RIT2: variants seen among roughly 807,000 people sequenced by gnomAD.
RIT2 encodes Ras like without CAAX 2.
RIT2 carries 24 observed loss-of-function variants against 23.7 expected under a neutral mutation model. The observed-to-expected ratio is 1.01, with a 90% CI of 0.73 to 1.43. The LOEUF (loss-of-function observed/expected upper bound fraction) is 1.43. RIT2 is among the 40% of genes most tolerant of loss of function. RIT2 has a pLI of 0.00. For synonymous variants in RIT2, 107 were observed against 91.1 expected, an observed-to-expected ratio of 1.17 and a Z score of -0.99; for missense variants, 236 against 266.9, an observed-to-expected ratio of 0.88 and a Z score of 0.81.
chr18:43,057,575 G>C (rs1341329120), intron 1 of RIT2, among the ~76,000 whole-genome samples: 1 of 152,074 alleles, frequency 6.6e-6, no homozygotes, highest in Non-Finnish European at 1.5e-5. Flanking sequence ...AAAGTTTTTT[G>C]GTAAGGATGT....
chr18:42,959,508 T>A (rs1238290449), intron 3 of RIT2, among the ~76,000 whole-genome samples: 1 of 152,186 alleles, frequency 6.6e-6, no homozygotes, highest in Non-Finnish European at 1.5e-5. Flanking sequence ...TTTTCTCAGT[T>A]ATTGAAAATT....
intron 2 of RIT2, among the ~76,000 whole-genome samples, chr18:43,032,493 C>T (rs73479314): frequency 0.019 from 2,900 of 152,066 alleles, 102 homozygotes; most frequent in African/African-American, 0.067. Flanking sequence ...CAAAGATTGT[C>T]CCTTTTGTGT....
chr18:43,059,996 G>A (rs750073655), intron 1 of RIT2, among the ~76,000 whole-genome samples: 3 of 152,132 alleles, frequency 2.0e-5, no homozygotes, highest in African/African-American at 2.4e-5. Flanking sequence ...GGAAGTTTAT[G>A]TCAGGGACAA....
At chr18:42,763,050 G>T (rs1913338099) in intron 4 of RIT2, among the ~76,000 whole-genome samples, 1 of 152,130 alleles carries the variant, frequency 6.6e-6, no homozygotes, top group Non-Finnish European at 1.5e-5. Flanking sequence ...TATTCTTCTA[G>T]GCTGCAAACC....
At chr18:42,836,720 T>C (rs1428774801) in intron 4 of RIT2, among the ~76,000 whole-genome samples, 1 of 152,206 alleles carries the variant, frequency 6.6e-6, no homozygotes, top group African/African-American at 2.4e-5. Flanking sequence ...AATGTTCACT[T>C]TACTTCGAGA....
At chr18:43,107,037 C>T (rs931185249) in intron 1 of RIT2, among the ~76,000 whole-genome samples, 1 of 152,122 alleles carries the variant, frequency 6.6e-6, no homozygotes, top group Non-Finnish European at 1.5e-5. Context: ...AGAGGACCAC[C>T]GTCTGTCAAT....
At chr18:43,028,798 A>G (rs1377886522) in intron 2 of RIT2, among the ~76,000 whole-genome samples, 1 of 151,574 alleles carries the variant, frequency 6.6e-6, no homozygotes, top group Non-Finnish European at 1.5e-5. Flanking sequence ...CTGGGCATTA[A>G]CTCTCCCCCG....
intron 4 of RIT2, among the ~76,000 whole-genome samples, chr18:42,762,510 C>T (rs1192237077): frequency 6.6e-6 from 1 of 152,192 alleles, no homozygotes; most frequent in Non-Finnish European, 1.5e-5. Flanking sequence ...CTTGACCACA[C>T]CAGATATTAA....
rs1348601742 is a variant in RIT2 at position 43,091,379 on chromosome 18, A to G, written c.103+24038T>C. 3.3e-5 allele frequency among the ~76,000 whole-genome samples: 5 copies of G among 152,072 alleles called. No individual in the cohort carries two copies. In the East Asian group the frequency reaches 9.6e-4, roughly 29 times the overall value. ...TTTTATTGTTGCTTTTCACGCCAAT[A>G]CCAATGAGATTCACTAATATCTTTG... On this transcript the variant is annotated intron_variant, in intron 1 of 4. Coordinates refer to ENST00000326695, the MANE Select transcript of RIT2 (RefSeq NM_002930.4).
At chr18:43,097,700 G>A (rs1321424612) in intron 1 of RIT2, among the ~76,000 whole-genome samples, 3 of 151,780 alleles carry the variant, frequency 2.0e-5, no homozygotes, top group Non-Finnish European at 4.4e-5. Context: ...ATAGAAATCC[G>A]AATAAAAAGA....
intron 1 of RIT2, among the ~76,000 whole-genome samples, chr18:43,072,577 G>T (rs923183884): frequency 6.6e-6 from 1 of 152,186 alleles, no homozygotes; most frequent in African/African-American, 2.4e-5. Flanking sequence ...TAGCAAGCTA[G>T]TCATCAACTC....
At chr18:42,999,558 T>G (rs1295670004) in intron 2 of RIT2, among the ~76,000 whole-genome samples, 1 of 151,492 alleles carries the variant, frequency 6.6e-6, no homozygotes, top group Non-Finnish European at 1.5e-5. Context: ...GAAAAAGGAG[T>G]CAAACAATCC....
intron 3 of RIT2, among the ~76,000 whole-genome samples, chr18:42,925,075 T>C (rs1484154732): frequency 6.6e-6 from 1 of 152,106 alleles, no homozygotes; most frequent in Non-Finnish European, 1.5e-5. Flanking sequence ...AACAGCAACA[T>C]GATATAGAGT....
intron 3 of RIT2, among the ~76,000 whole-genome samples, chr18:42,970,010 C>A (rs771321147): frequency 1.3e-5 from 2 of 151,934 alleles, no homozygotes; most frequent in Non-Finnish European, 2.9e-5. Context: ...TGACCTATTG[C>A]AGTTCTTGGT....
chr18:43,026,068 T>C (rs1331420729), intron 2 of RIT2, among the ~76,000 whole-genome samples: 2 of 151,978 alleles, frequency 1.3e-5, no homozygotes, highest in Non-Finnish European at 2.9e-5. Context: ...AAAATAATAA[T>C]GTAGGCTGGG....
intron 2 of RIT2, among the ~76,000 whole-genome samples, chr18:42,997,477 AG>A (rs1883353335): frequency 6.6e-6 from 1 of 151,976 alleles, no homozygotes; most frequent in African/African-American, 2.4e-5. Context: ...AGGGGGAGGG[AG>A]GGAGGAAGAA....
chr18:43,044,727 C>T (rs1912206636), intron 1 of RIT2, among the ~76,000 whole-genome samples: 1 of 152,114 alleles, frequency 6.6e-6, no homozygotes, highest in Non-Finnish European at 1.5e-5. Flanking sequence ...TAGAAAACAG[C>T]ATCATTTGGT....
intron 1 of RIT2, among the ~76,000 whole-genome samples, chr18:43,036,006 G>A (rs1911965936): frequency 1.3e-5 from 2 of 152,126 alleles, no homozygotes; most frequent in South Asian, 4.1e-4. Flanking sequence ...TCAGGTAGCA[G>A]TACACGATAG....
At chr18:42,803,133 C>A (rs11874133) in intron 4 of RIT2, among the ~76,000 whole-genome samples, 11,054 of 152,202 alleles carry the variant, frequency 0.073, 1,287 homozygotes, top group African/African-American at 0.25. Flanking sequence ...ACATCTACTA[C>A]GATAAAACAA....
Sources: allele counts gnomAD v4.1 joint callset (sites outside exome capture counted in the v4.1 genomes callset), GRCh38; gene constraint gnomAD v4.1.1; transcripts MANE v1.5; gene names NCBI Gene and HGNC (gene_info 2026-07-23, HGNC 2026-07-21).